The following GALNTL6 variants were observed in gnomAD, a reference collection of about 807,000 sequenced individuals.
GALNTL6 encodes polypeptide N-acetylgalactosaminyltransferase like 6, also known as polypeptide N-acetylgalactosaminyltransferase-like 6.
Under a neutral mutation model 73.7 loss-of-function variants are expected in GALNTL6, and 46 were observed. The ratio of observed to expected loss-of-function variants is 0.62; its 90% confidence interval spans 0.49 to 0.80. GALNTL6 has a LOEUF of 0.80. GALNTL6 is among the 30% of genes least tolerant of loss of function. The pLI, the probability that GALNTL6 is intolerant of heterozygous loss-of-function variation, is 0.00. For synonymous variants in GALNTL6, 259 were observed against 263.7 expected (o/e 0.98, Z 0.17); for missense variants, 604 against 755.0 (o/e 0.80, Z 2.34).
At chr4:172,620,812 A>G (rs751330900) in intron 5 of GALNTL6, among the ~76,000 whole-genome samples, 2 of 152,152 alleles carry the variant, frequency 1.3e-5, no homozygotes, top group East Asian at 1.9e-4. Context: ...GCAAATATCC[A>G]TGGATATTTC....
chr4:172,945,288 G>A (rs141056865), intron 9 of GALNTL6, among the ~76,000 whole-genome samples: 6 of 152,234 alleles, frequency 3.9e-5, no homozygotes, highest in Admixed American at 6.5e-5. Context: ...AAAGGAGATC[G>A]GGAAAGGGAT....
intron 2 of GALNTL6, among the ~76,000 whole-genome samples, chr4:171,830,208 A>G (rs1734929688): frequency 6.6e-6 from 1 of 152,112 alleles, no homozygotes; most frequent in Non-Finnish European, 1.5e-5. Flanking sequence ...CTCTAATAGA[A>G]CTTCCAGAGG....
chr4:172,957,725 G>A (rs1749817460), intron 10 of GALNTL6, among the ~76,000 whole-genome samples: 1 of 152,194 alleles, frequency 6.6e-6, no homozygotes, highest in African/African-American at 2.4e-5. Flanking sequence ...CATATTTAGA[G>A]TCAGTATAAA....
chr4:172,252,549 A>T (rs1251137748), intron 3 of GALNTL6, among the ~76,000 whole-genome samples: 1 of 152,146 alleles, frequency 6.6e-6, no homozygotes, highest in East Asian at 1.9e-4. Context: ...AGAAATTTAG[A>T]TAAAGAGAGG....
At chr4:172,685,158 A>G (rs928843578) in intron 5 of GALNTL6, among the ~76,000 whole-genome samples, 2 of 152,226 alleles carry the variant, frequency 1.3e-5, no homozygotes, top group African/African-American at 4.8e-5. Context: ...AGAGAAATGT[A>G]GAAGGGCAAA....
intron 5 of GALNTL6, among the ~76,000 whole-genome samples, chr4:172,545,918 C>T (rs1419773830): frequency 6.6e-6 from 1 of 152,004 alleles, no homozygotes; most frequent in African/African-American, 2.4e-5. Context: ...GCAACTTACT[C>T]GTTTAGAATA....
intron 4 of GALNTL6, among the ~76,000 whole-genome samples, chr4:172,346,994 T>TG (rs1741768526): frequency 1.4e-5 from 2 of 146,088 alleles, no homozygotes; most frequent in South Asian, 4.3e-4. Context: ...CTTTCTTTTT[T>TG]TTTTTTTTTT....
At chr4:172,205,975 A>G (rs965261915) in intron 2 of GALNTL6, among the ~76,000 whole-genome samples, 20 of 152,150 alleles carry the variant, frequency 1.3e-4, no homozygotes, top group African/African-American at 4.8e-4. Flanking sequence ...TTTTCCCACT[A>G]CCTACTCAGA....
chr4:172,180,020 C>T (rs1477021860), intron 2 of GALNTL6, among the ~76,000 whole-genome samples: 13 of 152,226 alleles, frequency 8.5e-5, no homozygotes, highest in Non-Finnish European at 1.5e-5. Context: ...GGAATCGCCA[C>T]ACTGTCTTCC....
At chr4:172,239,130 G>A (rs145536180) in intron 3 of GALNTL6, among the ~76,000 whole-genome samples, 1 of 152,210 alleles carries the variant, frequency 6.6e-6, no homozygotes, top group Non-Finnish European at 1.5e-5. Flanking sequence ...GAGTTAGGGA[G>A]GAATCTCTCC....
At chr4:173,036,974 C>A (rs1309639738) in intron 12 of GALNTL6, among the ~76,000 whole-genome samples, 2 of 152,206 alleles carry the variant, frequency 1.3e-5, no homozygotes, top group East Asian at 3.9e-4. Flanking sequence ...GACTTAAGTC[C>A]AACCAGGAAA....
chr4:172,858,632 C>T (rs1486613171), intron 7 of GALNTL6, among the ~76,000 whole-genome samples: 7 of 152,060 alleles, frequency 4.6e-5, no homozygotes, highest in Admixed American at 3.9e-4. Flanking sequence ...GAGTTCAAGA[C>T]CAGCCTGACC....
chr4:172,694,555 T>C (rs1733565277), intron 5 of GALNTL6, among the ~76,000 whole-genome samples: 1 of 152,218 alleles, frequency 6.6e-6, no homozygotes, highest in African/African-American at 2.4e-5. Flanking sequence ...TTGATGCAAC[T>C]GCCCTATTTC....
chr4:172,757,183 GCA>G lies in GALNTL6; in HGVS notation c.554-52175_554-52174del, dbSNP rs1310402655. On this transcript the variant is annotated intron_variant, in intron 5 of 12. Transcript: ENST00000506823. Reference sequence around the variant, plus strand: ...ACCTTTGCCCTCTGAAATACCTAATGCACAGTCTGTGGGCTACTCTTCAGATA... The same window carrying G: ...ACCTTTGCCCTCTGAAATACCTAATGCAGTCTGTGGGCTACTCTTCAGATA... 2.0e-5 allele frequency among the ~76,000 whole-genome samples: 3 copies of G among 152,054 alleles called. No individual in the cohort carries two copies. In the East Asian group the frequency reaches 5.8e-4, roughly 29 times the overall value.
chr4:172,833,367 C>T (rs1202692532), intron 7 of GALNTL6, among the ~76,000 whole-genome samples: 3 of 152,176 alleles, frequency 2.0e-5, no homozygotes, highest in African/African-American at 7.2e-5. Context: ...TGAGTGGATG[C>T]CAAAGAGCCC....
intron 2 of GALNTL6, among the ~76,000 whole-genome samples, chr4:172,118,718 A>T (rs914206781): frequency 2.0e-5 from 3 of 151,936 alleles, no homozygotes; most frequent in African/African-American, 7.2e-5. Flanking sequence ...AAAGAAAAAA[A>T]AAAACCAAAA....
chr4:172,207,463 G>T (rs1736174175), intron 2 of GALNTL6, among the ~76,000 whole-genome samples: 1 of 152,090 alleles, frequency 6.6e-6, no homozygotes, highest in Non-Finnish European at 1.5e-5. Context: ...AGAAGAGGAA[G>T]CATCAAAAGT....
In GALNTL6 at chr4:172,828,681, A is replaced by T. The variant is rs1351956462; in HGVS notation, c.923+14958A>T. Reference sequence around the variant, plus strand: ...TAGAACAGTTTCTGTGTAGAAAGGGAACAAGTACAATTCTCATGTATTTAA... The same window carrying T: ...TAGAACAGTTTCTGTGTAGAAAGGGTACAAGTACAATTCTCATGTATTTAA... On this transcript the variant is annotated intron_variant, in intron 7 of 12. Transcript: ENST00000506823. Among the ~76,000 whole-genome samples, 3 of 152,236 alleles carry T rather than the reference A, an allele frequency of 2.0e-5. No individual in the cohort carries two copies. In the East Asian group the frequency reaches 5.8e-4, roughly 29 times the overall value.
At position 172,952,033 on chromosome 4, in the gene GALNTL6, A is replaced by C. The variant is rs1749467488; in HGVS notation, c.1150-4A>C. On this transcript the variant is annotated splice_region_variant and splice_polypyrimidine_tract_variant and intron_variant, in intron 9 of 12. Transcript: ENST00000506823. ...AATGACATTTTTGTTTTCCTGCTGCACAGAACCTGAAGCGGGTAGCTGAGA... is the reference window on the plus strand; with the variant it reads ...AATGACATTTTTGTTTTCCTGCTGCCCAGAACCTGAAGCGGGTAGCTGAGA... 10 of 1,609,922 alleles carry C rather than the reference A, an allele frequency of 6.2e-6. No individual in the cohort carries two copies. The highest frequency in any genetic ancestry group is 8.5e-6 in the Non-Finnish European group (10 of 1,177,316).
Sources: allele counts gnomAD v4.1 joint callset (sites outside exome capture counted in the v4.1 genomes callset), GRCh38; gene constraint gnomAD v4.1.1; transcripts MANE v1.5; gene names NCBI Gene and HGNC (gene_info 2026-07-23, HGNC 2026-07-21).